The following RSPH14 variants were observed in gnomAD, a reference collection of about 807,000 sequenced individuals.
The protein encoded by RSPH14 is rhabdoid tumor deletion region gene 1.
Under a neutral mutation model 26.7 loss-of-function variants are expected in RSPH14, and 20 were observed. The observed-to-expected ratio is 0.75, with a 90% confidence interval of 0.53 to 1.09. The LOEUF is 1.09. Among genes scored for constraint, RSPH14 ranks in the 50% least tolerant of loss-of-function variants. The pLI is 0.00. For synonymous variants in RSPH14, 177 were observed against 189.3 expected (o/e 0.93, Z 0.53); for missense variants, 449 against 457.2 (o/e 0.98, Z 0.16).
intron 4 of RSPH14, among the ~76,000 whole-genome samples, chr22:23,073,819 G>A (rs5751574): frequency 0.35 from 53,483 of 151,900 alleles, 11,032 homozygotes; most frequent in African/African-American, 0.58. Context: ...CAGCAGGGAC[G>A]TAGCATCCAC....
chr22:23,160,956 C>G, the RSPH14 span: 1 of 1,613,496 alleles, frequency 6.2e-7, no homozygotes. Flanking sequence ...CCTGGAGAGG[C>G]AGAGCAGTGC....
chr22:23,061,728 CCAG>C, intron 6 of RSPH14, 78 bp downstream of exon 6: 1 of 1,552,388 alleles, frequency 6.4e-7, no homozygotes, highest in Non-Finnish European at 8.8e-7. Context: ...GGGACGATAC[CCAG>C]CCCCTGAGTA....
At chr22:23,139,146 T>A (rs2070542402) in intron 2 of RSPH14, among the ~76,000 whole-genome samples, 1 of 152,212 alleles carries the variant, frequency 6.6e-6, no homozygotes, top group Admixed American at 6.5e-5. Context: ...ACCCTCCTTG[T>A]GATTCTCCCT....
the RSPH14 span, among the ~76,000 whole-genome samples, chr22:23,175,073 T>C: frequency 5.3e-5 from 8 of 150,798 alleles, no homozygotes; most frequent in African/African-American, 1.7e-4. Flanking sequence ...CTTGGCTCAC[T>C]ACAAGCTCCG....
At chr22:23,159,651 A>G in the RSPH14 span, among the ~76,000 whole-genome samples, 1 of 149,254 alleles carries the variant, frequency 6.7e-6, no homozygotes, top group Admixed American at 6.6e-5. Flanking sequence ...GGATCCAAAC[A>G]CACCCTCACC....
rs753845026 is a variant in RSPH14 at position 23,068,182 on chromosome 22, G to A, written c.422-4049C>T. On this transcript the variant is annotated intron_variant, in intron 4 of 6. Transcript: ENST00000216036. ...CTCGTGCTCCTTCATGTCCTGCACCGTCCCCGCCTTGGAACTCACTTCCCT... is the reference window on the plus strand; with the variant it reads ...CTCGTGCTCCTTCATGTCCTGCACCATCCCCGCCTTGGAACTCACTTCCCT... Among the ~76,000 whole-genome samples, 10 of 152,266 alleles carry A rather than the reference G, an allele frequency of 6.6e-5. No individual in the cohort carries two copies. In the East Asian group the frequency reaches 7.7e-4, roughly 12 times the overall value.
intron 6 of RSPH14, 101 bp from the exon 7 acceptor site, chr22:23,059,819 C>A: frequency 7.6e-7 from 1 of 1,320,820 alleles, no homozygotes; most frequent in East Asian, 2.4e-5. Context: ...TGTGCAGTCT[C>A]AAGGGGTTTA....
chr22:23,096,538 C>A, intron 4 of RSPH14: 1 of 1,043,994 alleles, frequency 9.6e-7, no homozygotes, highest in Non-Finnish European at 1.4e-6. Context: ...GCAGGCCTGG[C>A]CCTGCTGCAC....
At chr22:23,157,052 T>C in the RSPH14 span, among the ~76,000 whole-genome samples, 1 of 152,170 alleles carries the variant, frequency 6.6e-6, no homozygotes, top group Non-Finnish European at 1.5e-5. Context: ...TTGCCTGGAA[T>C]GTTCTCCACA....
the RSPH14 span, among the ~76,000 whole-genome samples, chr22:23,169,456 G>GA: frequency 6.6e-6 from 1 of 152,242 alleles, no homozygotes; most frequent in Admixed American, 6.5e-5. Flanking sequence ...AAAGGAGCAA[G>GA]AAAGAACAAA....
At chr22:23,119,387 T>G (rs1302220629) in intron 4 of RSPH14, among the ~76,000 whole-genome samples, 1 of 152,196 alleles carries the variant, frequency 6.6e-6, no homozygotes, top group Non-Finnish European at 1.5e-5. Context: ...CTTCAGCTGG[T>G]CAGGGTCCTG....
intron 4 of RSPH14, among the ~76,000 whole-genome samples, chr22:23,080,363 C>G (rs1176836899): frequency 6.6e-6 from 1 of 151,882 alleles, no homozygotes; most frequent in Non-Finnish European, 1.5e-5. Flanking sequence ...CCCTGTTCAT[C>G]TCATCTCCCC....
the RSPH14 span, among the ~76,000 whole-genome samples, chr22:23,177,588 G>A: frequency 1.5e-4 from 23 of 152,152 alleles, no homozygotes; most frequent in African/African-American, 5.5e-4. Flanking sequence ...TCCTCCCTAG[G>A]GAGGGATGGA....
rs1601741037 is a variant in RSPH14 at position 23,071,431 on chromosome 22, G to A, written c.422-7298C>T. Among the ~76,000 whole-genome samples the A allele has an allele frequency of 6.6e-6, 1 of 152,222 alleles. No individual in the cohort carries two copies. The highest frequency in any genetic ancestry group is 2.1e-4 in the South Asian group (1 of 4,836). On this transcript the variant is annotated intron_variant, in intron 4 of 6. Coordinates refer to ENST00000216036, the MANE Select transcript of RSPH14 (RefSeq NM_014433.3). This position sits in a 1 kb window ranked among gnomAD's most constrained non-coding sequence, Gnocchi z 4.1. ...AGTCCGTGTTGGGGTGGAGGGACCCGCCTGGTAGAGAGGTCTGTCTTGCTT... is the reference window on the plus strand; with the variant it reads ...AGTCCGTGTTGGGGTGGAGGGACCCACCTGGTAGAGAGGTCTGTCTTGCTT...
the RSPH14 span, chr22:23,150,226 T>C: frequency 8.3e-7 from 1 of 1,211,288 alleles, no homozygotes; most frequent in Non-Finnish European, 1.2e-6. Context: ...CGTGAAAGAA[T>C]GAACAAATGA....
the RSPH14 span, chr22:23,161,900 C>A: frequency 1.8e-5 from 6 of 329,012 alleles, no homozygotes; most frequent in African/African-American, 1.3e-4. Flanking sequence ...ACTGCAAACT[C>A]CTGCGTCGGT....
the RSPH14 span, among the ~76,000 whole-genome samples, chr22:23,170,311 C>T: frequency 5.9e-4 from 90 of 152,256 alleles, no homozygotes; most frequent in South Asian, 2.1e-3. Flanking sequence ...CTCACAGTCC[C>T]GGAGGCTGGA....
chr22:23,153,161 G>A, the RSPH14 span: 34 of 1,561,396 alleles, frequency 2.2e-5, no homozygotes, highest in East Asian at 1.3e-4. Flanking sequence ...CCCATGGCTC[G>A]TGGGCAGCTT....
At chr22:23,134,180 A>C in intron 3 of RSPH14, 36 bp from the exon 4 acceptor site, 1 of 1,506,810 alleles carries the variant, frequency 6.6e-7, no homozygotes, top group South Asian at 1.2e-5. Context: ...CATAAGTGAG[A>C]CCATGCCCTG....
Sources: gnomAD v4.1 joint callset for allele counts (sites outside exome capture counted in the v4.1 genomes callset) on GRCh38, gnomAD v4.1.1 for gene constraint, Gnocchi (gnomAD v3.1) non-coding constraint, MANE v1.5 for transcripts, NCBI Gene and HGNC (gene_info 2026-07-23, HGNC 2026-07-21) for gene names.